USP18: variants seen among roughly 807,000 people sequenced by gnomAD.
USP18 encodes the protein ubl carboxyl-terminal hydrolase 18.
In USP18, 11 loss-of-function variants were observed where a neutral mutation model predicts 48.7. That is an observed-to-expected ratio of 0.23 (90% CI 0.14 to 0.37). The LOEUF (loss-of-function observed/expected upper bound fraction) is 0.37. Among genes scored for constraint, USP18 ranks in the 10% least tolerant of loss-of-function variants. The pLI is 1.00. For synonymous variants in USP18, 114 were observed against 163.2 expected (o/e 0.70, Z 2.30); for missense variants, 285 against 436.4 (o/e 0.65, Z 3.09).
chr22:18,155,602 C>G (rs1354623356), intron 1 of USP18, among the ~76,000 whole-genome samples: 2 of 152,048 alleles, frequency 1.3e-5, no homozygotes, highest in Non-Finnish European at 2.9e-5. Flanking sequence ...GTGGGCTCGG[C>G]GGGCCCGCAC....
Position 18,169,891 on chromosome 22 carries a change from A to G in USP18, c.675A>G (p.Lys225=). Residue 225 remains lysine, a synonymous_variant, in exon 7 of 11, where the codon AAA becomes AAG. Transcript: ENST00000215794. ...CFFQPRELSS[K]SKCFCENCGK... is the part of the protein sequence containing the mutation. ...TCCAGCCCAGGGAGTTATCAAGCAA[A>G]AGCAAGTGCTTCTGTGAGAACTGTG... is the stretch of plus-strand genomic sequence containing the variant. 1 of 1,608,852 alleles carries G rather than the reference A, an allele frequency of 6.2e-7. No individual in the cohort carries two copies. The highest frequency in any genetic ancestry group is 8.5e-7 in the Non-Finnish European group (1 of 1,177,446).
At chr22:18,174,912 T>G (rs1177709246) in intron 10 of USP18, among the ~76,000 whole-genome samples, 15 of 148,594 alleles carry the variant, frequency 1.0e-4, no homozygotes, top group Admixed American at 2.7e-4. Flanking sequence ...TGTTTTTTTG[T>G]TTGTTTGTTT....
At chr22:18,151,992 T>G (rs1010363982) in intron 1 of USP18, among the ~76,000 whole-genome samples, 4 of 152,092 alleles carry the variant, frequency 2.6e-5, no homozygotes, top group Admixed American at 2.6e-4. Context: ...AGGCGGAGCT[T>G]GCAGTGAGCC....
At position 18,173,778 on chromosome 22, in the gene USP18, G is replaced by T; in HGVS notation, c.1024-15G>T. On this transcript the variant is annotated splice_polypyrimidine_tract_variant and intron_variant, in intron 9 of 10. Coordinates refer to ENST00000215794, the MANE Select transcript of USP18 (RefSeq NM_017414.4). ...GTCAGCTGGCTGCTTGACCCCATTTGTTTCTGGCTTCCAGGTGTCCTGGGA... is the reference window on the plus strand; with the variant it reads ...GTCAGCTGGCTGCTTGACCCCATTTTTTTCTGGCTTCCAGGTGTCCTGGGA... The T allele has an allele frequency of 7.5e-6, 12 of 1,606,838 alleles. No individual in the cohort carries two copies. The highest frequency in any genetic ancestry group is 1.0e-5 in the Non-Finnish European group (12 of 1,174,896).
At position 18,167,985 on chromosome 22, in the gene USP18, C is replaced by A. The variant is rs562451924; in HGVS notation, c.576C>A (p.Leu192=). 6.2e-7 allele frequency: 1 copy of A among 1,614,048 alleles called. No homozygotes were observed. The highest frequency in any genetic ancestry group is 1.3e-5 in the African/African-American group (1 of 74,916). The change falls in exon 6 of 11, where the codon CTC becomes CTA. Residue 192 remains leucine, a synonymous_variant. Transcript: ENST00000215794. The part of the protein sequence containing the change: ...AMESSRNSSM[L]TLPLSLFDVD... The stretch of plus-strand genomic sequence containing the variant: ...AGAGTAGCAGAAACAGCAGCATGCT[C>A]ACCCTCCCACTTTCTCTTTTTGATG...
chr22:18,160,173 C>T lies in USP18; in HGVS notation c.159C>T (p.Gly53=). ...CATTTTTTTCTCTTCCCCTTATAGG[C>T]CTGGTTGGTTTACACAACATTGGAC... is the stretch of plus-strand genomic sequence containing the variant. ...ERPRAWDYPH[G]LVGLHNIGQT... The change falls in exon 3 of 11, where the codon GGC becomes GGT. Residue 53 remains glycine, a splice_region_variant and synonymous_variant. Coordinates refer to ENST00000215794, the MANE Select transcript of USP18 (RefSeq NM_017414.4). 3 of 1,614,044 alleles carry T rather than the reference C, an allele frequency of 1.9e-6. No individual in the cohort carries two copies. Among genetic ancestry groups the T allele is most frequent in the East Asian group, 2.2e-5 (1 of 44,872 alleles).
At chr22:18,171,856 C>G (rs1929636459) in intron 8 of USP18, among the ~76,000 whole-genome samples, 1 of 152,106 alleles carries the variant, frequency 6.6e-6, no homozygotes, top group Non-Finnish European at 1.5e-5. Context: ...AACATGATTT[C>G]TTTACCTACT....
chr22:18,168,717 T>G (rs1929549940), intron 6 of USP18, among the ~76,000 whole-genome samples: 1 of 152,018 alleles, frequency 6.6e-6, no homozygotes, highest in Non-Finnish European at 1.5e-5. Flanking sequence ...CACCTTTCCA[T>G]ACAGCCACAC....
At chr22:18,164,951 G>A (rs954751262) in intron 4 of USP18, among the ~76,000 whole-genome samples, 1 of 152,136 alleles carries the variant, frequency 6.6e-6, no homozygotes, top group Non-Finnish European at 1.5e-5. Context: ...CTTGTGGTGC[G>A]AGTGTGTCTC....
At chr22:18,173,016 C>T in intron 8 of USP18, 134 bp from the exon 9 acceptor site, 1 of 1,501,354 alleles carries the variant, frequency 6.7e-7, no homozygotes, top group Middle Eastern at 1.8e-4. Context: ...GGAGGGTGCC[C>T]ACTGGCTGTG....
chr22:18,155,410 C>T (rs12161008), intron 1 of USP18, among the ~76,000 whole-genome samples: 10 of 152,330 alleles, frequency 6.6e-5, no homozygotes, highest in Middle Eastern at 3.4e-3. Context: ...TCGGCCTTGG[C>T]GCCCACTCTG....
At chr22:18,150,409 G>A (rs1750832955) in intron 1 of USP18, among the ~76,000 whole-genome samples, 187 bp downstream of exon 1, 2 of 152,058 alleles carry the variant, frequency 1.3e-5, no homozygotes, top group African/African-American at 4.8e-5. Flanking sequence ...TAGTTATTTG[G>A]ACTTTTGACA....
intron 1 of USP18, among the ~76,000 whole-genome samples, chr22:18,150,932 C>G (rs756691641): frequency 2.6e-5 from 4 of 152,228 alleles, no homozygotes; most frequent in Admixed American, 6.5e-5. Context: ...GCCTGGGCGA[C>G]AGAGCGAAAC....
At chr22:18,165,500 A>G (rs1929449075) in intron 4 of USP18, among the ~76,000 whole-genome samples, 1 of 77,192 alleles carries the variant, frequency 1.3e-5, no homozygotes. Flanking sequence ...CCCATCCCTC[A>G]CCCCTCACCG....
At chr22:18,169,793 T>C (rs1433551634) in intron 6 of USP18, 51 bp from the exon 7 acceptor site, 18 of 1,542,978 alleles carry the variant, frequency 1.2e-5, no homozygotes, top group Non-Finnish European at 1.6e-5. Flanking sequence ...TATAGTATTC[T>C]AGGTGGGAAA....
At chr22:18,173,052 A>G (rs1410127798) in intron 8 of USP18, 98 bp from the exon 9 acceptor site, 9 of 1,580,142 alleles carry the variant, frequency 5.7e-6, no homozygotes, top group African/African-American at 4.1e-5. Flanking sequence ...CTAATATTCT[A>G]AAGTCCCAGA....
At chr22:18,152,189 C>A (rs1234957581) in intron 1 of USP18, among the ~76,000 whole-genome samples, 1 of 152,152 alleles carries the variant, frequency 6.6e-6, no homozygotes, top group African/African-American at 2.4e-5. Flanking sequence ...AATCATGTTC[C>A]TGGCAGGTTA....
intron 1 of USP18, among the ~76,000 whole-genome samples, chr22:18,155,021 T>C (rs907021842): frequency 3.9e-5 from 6 of 152,170 alleles, no homozygotes; most frequent in Non-Finnish European, 8.8e-5. Context: ...ATCACTGTGG[T>C]TGGAATTCTT....
chr22:18,159,679 T>C (rs1285175249), intron 2 of USP18, among the ~76,000 whole-genome samples: 1 of 144,924 alleles, frequency 6.9e-6, no homozygotes, highest in Non-Finnish European at 1.5e-5. Context: ...TGGATTTTTT[T>C]TTTTTTTTTT....
Sources: allele counts gnomAD v4.1 joint callset (sites outside exome capture counted in the v4.1 genomes callset), GRCh38; gene constraint gnomAD v4.1.1; transcripts MANE v1.5; gene names NCBI Gene and HGNC (gene_info 2026-07-23, HGNC 2026-07-21).